Variants in STMN2 observed in about 807,000 individuals in gnomAD.
The protein encoded by STMN2 is stathmin-2.
In STMN2, 2 loss-of-function variants were observed where a neutral mutation model predicts 24.1. That is an observed-to-expected ratio of 0.08 (90% CI 0.03 to 0.26). The LOEUF is 0.26. Among genes scored for constraint, STMN2 ranks in the 10% least tolerant of loss-of-function variants. The pLI is 1.00. For missense variants in STMN2, 114 were observed against 213.6 expected, an observed-to-expected ratio of 0.53 and a Z score of 2.91; for synonymous variants, 83 against 77.5, an observed-to-expected ratio of 1.07 and a Z score of -0.37.
intron 1 of STMN2, among the ~76,000 whole-genome samples, chr8:79,616,351 T>A (rs1809382316): frequency 6.6e-6 from 1 of 152,252 alleles, no homozygotes; most frequent in African/African-American, 2.4e-5. Flanking sequence ...AAGTATAAAC[T>A]AATTTTGGGT....
chr8:79,649,989 G>A (rs1462378011), intron 3 of STMN2, among the ~76,000 whole-genome samples: 1 of 152,180 alleles, frequency 6.6e-6, no homozygotes, highest in Non-Finnish European at 1.5e-5. Context: ...TTCAGTGTGA[G>A]GAGGTTTATG....
intron 1 of STMN2, among the ~76,000 whole-genome samples, chr8:79,627,738 T>TTTAA (rs1554543728): frequency 6.6e-6 from 1 of 151,832 alleles, no homozygotes; most frequent in African/African-American, 2.4e-5. Context: ...ATTCATTCTA[T>TTTAA]CTAAGACTTT....
At chr8:79,613,850 A>C in intron 1 of STMN2, 3 of 984,428 alleles carry the variant, frequency 3.0e-6, no homozygotes, top group Non-Finnish European at 3.6e-6. Context: ...TGGCTAAGAT[A>C]CATGTGCAAG....
chr8:79,613,437 A>C, intron 1 of STMN2: 1 of 985,420 alleles, frequency 1.0e-6, no homozygotes, highest in Non-Finnish European at 1.2e-6. Context: ...GTTTCTGCGC[A>C]GTGTCCTGAG....
chr8:79,657,539 T>G (rs1806402254), intron 4 of STMN2, among the ~76,000 whole-genome samples: 1 of 152,198 alleles, frequency 6.6e-6, no homozygotes, highest in African/African-American at 2.4e-5. Flanking sequence ...TGAGAACTAG[T>G]GGTTCGTAGC....
intron 1 of STMN2, among the ~76,000 whole-genome samples, chr8:79,615,393 G>C (rs573538990): frequency 6.6e-6 from 1 of 152,240 alleles, no homozygotes; most frequent in Admixed American, 6.5e-5. Flanking sequence ...GCTGCTGATA[G>C]CGAACCCCAG....
chr8:79,644,881 G>A lies in STMN2; in HGVS notation c.288+3331G>A, dbSNP rs187666640. Among the ~76,000 whole-genome samples, 141 of 152,302 alleles carry A rather than the reference G, an allele frequency of 9.3e-4. 1 individual carries two copies. The highest frequency in any genetic ancestry group is 3.1e-3 in the African/African-American group (130 of 41,562). Reference sequence around the variant, plus strand: ...GAATATAACGTGAGCCAGGCCGGGTGTGGTGGCTCATGGCTATAATCCCAG... The same window carrying A: ...GAATATAACGTGAGCCAGGCCGGGTATGGTGGCTCATGGCTATAATCCCAG... On this transcript the variant is annotated intron_variant, in intron 3 of 4. Transcript: ENST00000220876.
chr8:79,626,546 T>C (rs947182963), intron 1 of STMN2, among the ~76,000 whole-genome samples: 1 of 152,188 alleles, frequency 6.6e-6, no homozygotes, highest in African/African-American at 2.4e-5. Context: ...TAAAGGAATT[T>C]AGTGGAGAGA....
At chr8:79,655,570 C>T (rs1806325852) in intron 4 of STMN2, among the ~76,000 whole-genome samples, 1 of 152,110 alleles carries the variant, frequency 6.6e-6, no homozygotes, top group South Asian at 2.1e-4. Flanking sequence ...AATAGCATCA[C>T]ATGGGACCAT....
intron 1 of STMN2, among the ~76,000 whole-genome samples, chr8:79,618,628 A>C (rs539349086): frequency 2.0e-5 from 3 of 152,328 alleles, no homozygotes; most frequent in Admixed American, 2.0e-4. Flanking sequence ...ATTTTTAATT[A>C]TCTTTTAATA....
intron 1 of STMN2, among the ~76,000 whole-genome samples, chr8:79,634,245 T>G (rs1200153689): frequency 6.6e-6 from 1 of 152,226 alleles, no homozygotes; most frequent in African/African-American, 2.4e-5. Flanking sequence ...CTGGCAGAAA[T>G]TATGATTCTC....
chr8:79,657,133 C>T (rs924358070), intron 4 of STMN2, among the ~76,000 whole-genome samples: 1 of 152,236 alleles, frequency 6.6e-6, no homozygotes, highest in African/African-American at 2.4e-5. Flanking sequence ...CTCGGCCTCC[C>T]GAAGTGCTGG....
At chr8:79,616,041 G>A (rs1585870815) in intron 1 of STMN2, among the ~76,000 whole-genome samples, 2 of 152,156 alleles carry the variant, frequency 1.3e-5, no homozygotes, top group Admixed American at 1.3e-4. Context: ...ATTGAAATGT[G>A]CCCCCTGTTC....
At chr8:79,645,017 T>C (rs1810189304) in intron 3 of STMN2, among the ~76,000 whole-genome samples, 1 of 152,044 alleles carries the variant, frequency 6.6e-6, no homozygotes, top group Non-Finnish European at 1.5e-5. Flanking sequence ...TCGCAGGGCA[T>C]AGTGGCGAGT....
intron 1 of STMN2, among the ~76,000 whole-genome samples, chr8:79,622,192 A>T (rs1809529692): frequency 6.6e-6 from 1 of 152,182 alleles, no homozygotes; most frequent in South Asian, 2.1e-4. Context: ...AAATTTATTA[A>T]TCATTTCTAT....
chr8:79,621,419 T>C (rs1423034014), intron 1 of STMN2, among the ~76,000 whole-genome samples: 2 of 152,206 alleles, frequency 1.3e-5, no homozygotes, highest in African/African-American at 2.4e-5. Context: ...GTCATTTGCT[T>C]TTTGAAAAAT....
intron 1 of STMN2, among the ~76,000 whole-genome samples, chr8:79,617,711 C>G (rs1013372586): frequency 2.6e-5 from 4 of 152,196 alleles, no homozygotes; most frequent in Non-Finnish European, 5.9e-5. Flanking sequence ...TTGAGGGCCT[C>G]GAGCCAATAA....
chr8:79,613,118 G>T (rs1200963334), intron 1 of STMN2, among the ~76,000 whole-genome samples: 1 of 151,988 alleles, frequency 6.6e-6, no homozygotes, highest in East Asian at 1.9e-4. Flanking sequence ...GCCCACCCAC[G>T]GTCCGCGGAG....
intron 1 of STMN2, among the ~76,000 whole-genome samples, chr8:79,633,867 C>G (rs145061368): frequency 2.0e-5 from 3 of 152,168 alleles, no homozygotes; most frequent in Non-Finnish European, 4.4e-5. Context: ...TTTACACTCA[C>G]TTCTCTTTAT....
Sources: allele counts gnomAD v4.1 joint callset (sites outside exome capture counted in the v4.1 genomes callset), GRCh38; gene constraint gnomAD v4.1.1; transcripts MANE v1.5; gene names NCBI Gene and HGNC (gene_info 2026-07-23, HGNC 2026-07-21).